SPATA6: variants seen among roughly 807,000 people sequenced by gnomAD.
The protein encoded by SPATA6 is spermatogenesis-associated protein 6.
Under a neutral mutation model 65.3 loss-of-function variants are expected in SPATA6, and 56 were observed. That is an observed-to-expected ratio of 0.86 (90% CI 0.69 to 1.07). SPATA6 has a LOEUF of 1.07. Ranked by LOEUF, SPATA6 falls within the 50% of genes least tolerant of loss-of-function variation. The pLI, the probability that SPATA6 is intolerant of heterozygous loss-of-function variation, is 0.00. For missense variants in SPATA6, 590 were observed against 594.8 expected, an observed-to-expected ratio of 0.99 and a Z score of 0.08; for synonymous variants, 199 against 213.2, an observed-to-expected ratio of 0.93 and a Z score of 0.58.
chr1:48,343,360 C>T (rs1646272119), intron 11 of SPATA6, among the ~76,000 whole-genome samples: 1 of 152,062 alleles, frequency 6.6e-6, no homozygotes, highest in South Asian at 2.1e-4. Flanking sequence ...ACTAACTGGT[C>T]ACCTTTGGAG....
chr1:48,420,558 TGAA>T (rs1172112465), intron 3 of SPATA6, among the ~76,000 whole-genome samples: 4 of 152,166 alleles, frequency 2.6e-5, no homozygotes, highest in Admixed American at 6.5e-5. Context: ...TGGTATCTGC[TGAA>T]GAAGTTTATT....
At chr1:48,379,066 AC>A (rs1314571209) in intron 9 of SPATA6, among the ~76,000 whole-genome samples, 2 of 152,198 alleles carry the variant, frequency 1.3e-5, no homozygotes, top group African/African-American at 4.8e-5. Context: ...ATAAAGACAT[AC>A]CCAAGACTGG....
chr1:48,286,533 TTATTC>T, the SPATA6 span, among the ~76,000 whole-genome samples: 1 of 152,164 alleles, frequency 6.6e-6, no homozygotes, highest in Non-Finnish European at 1.5e-5. Flanking sequence ...TTTATTGAAT[TTATTC>T]TATCAGCTTT....
chr1:48,272,626 T>C, the SPATA6 span, among the ~76,000 whole-genome samples: 2 of 152,186 alleles, frequency 1.3e-5, no homozygotes, highest in Non-Finnish European at 2.9e-5. Context: ...TTGGCTATTG[T>C]AATACTGTAA....
the SPATA6 span, among the ~76,000 whole-genome samples, chr1:48,285,686 T>C: frequency 3.7e-4 from 57 of 152,234 alleles, no homozygotes; most frequent in African/African-American, 1.0e-3. Context: ...CCCTTGACTA[T>C]GGCAGGGAGT....
chr1:48,362,976 A>C (rs1259213545), intron 9 of SPATA6, among the ~76,000 whole-genome samples: 1 of 152,124 alleles, frequency 6.6e-6, no homozygotes, highest in Non-Finnish European at 1.5e-5. Flanking sequence ...AGGAAACAAC[A>C]ATCACGGGTG....
At chr1:48,327,415 A>G (rs868173742) in intron 11 of SPATA6, among the ~76,000 whole-genome samples, 22 of 152,356 alleles carry the variant, frequency 1.4e-4, no homozygotes, top group Admixed American at 9.8e-4. Context: ...AAATAATTCA[A>G]CTTCTATGGA....
intron 12 of SPATA6, among the ~76,000 whole-genome samples, chr1:48,304,240 T>A (rs985459599): frequency 6.6e-6 from 1 of 152,180 alleles, no homozygotes; most frequent in Admixed American, 6.5e-5. Flanking sequence ...TCCAATTGAT[T>A]CAAGTATATA....
At chr1:48,418,722 A>T (rs1397308367) in intron 3 of SPATA6, among the ~76,000 whole-genome samples, 1 of 150,242 alleles carries the variant, frequency 6.7e-6, no homozygotes, top group Admixed American at 6.7e-5. Flanking sequence ...ACCCAGAAAA[A>T]AGCAAGAAAG....
chr1:48,375,705 CAT>C (rs1438459750), intron 9 of SPATA6, among the ~76,000 whole-genome samples: 1 of 152,112 alleles, frequency 6.6e-6, no homozygotes, highest in East Asian at 1.9e-4. Context: ...CCGCCAGACT[CAT>C]GGATTTATTT....
intron 11 of SPATA6, among the ~76,000 whole-genome samples, chr1:48,318,457 C>T (rs1645504119): frequency 6.6e-6 from 1 of 152,046 alleles, no homozygotes. Flanking sequence ...TATGAAAATG[C>T]ATTGTATTCC....
chr1:48,422,302 G>A (rs938143724), intron 3 of SPATA6, among the ~76,000 whole-genome samples: 4 of 152,186 alleles, frequency 2.6e-5, no homozygotes, highest in Admixed American at 2.0e-4. Flanking sequence ...CAAGATCTGG[G>A]AGAAGGCAAA....
rs1008525230 is a variant in SPATA6 at position 48,370,890 on chromosome 1, T to C, written c.910-11120A>G. On this transcript the variant is annotated intron_variant, in intron 9 of 12. Transcript: ENST00000371847. ...CACAAAGGATGGGCTCACGATATGA[T>C]TTACCAATAATCCAATATACACAGC... is the stretch of plus-strand genomic sequence containing the variant. Among the ~76,000 whole-genome samples the C allele has an allele frequency of 8.5e-5, 13 of 152,198 alleles. No homozygotes were observed. The South Asian group carries it at 2.7e-3, about 32-fold the overall frequency.
intron 8 of SPATA6, among the ~76,000 whole-genome samples, chr1:48,386,926 C>T (rs1260907723): frequency 6.6e-6 from 1 of 152,226 alleles, no homozygotes; most frequent in Non-Finnish European, 1.5e-5. Context: ...AACAAGCTGT[C>T]ACAAGCTACT....
chr1:48,353,644 A>G (rs1646576166), intron 11 of SPATA6, among the ~76,000 whole-genome samples: 1 of 151,968 alleles, frequency 6.6e-6, no homozygotes, highest in Admixed American at 6.6e-5. Context: ...AATCCATCCA[A>G]TGACATCGCT....
chr1:48,292,464 C>A (rs778984352), downstream of SPATA6, among the ~76,000 whole-genome samples: 8 of 152,188 alleles, frequency 5.3e-5, no homozygotes, highest in Non-Finnish European at 1.0e-4. Context: ...AGTGCACCTG[C>A]ATAGATAATG....
intron 9 of SPATA6, among the ~76,000 whole-genome samples, chr1:48,363,340 G>A (rs1162847565): frequency 6.6e-6 from 1 of 152,036 alleles, no homozygotes; most frequent in African/African-American, 2.4e-5. Context: ...TCACAGAAGG[G>A]TTATATTTCT....
chr1:48,416,871 A>C (rs954322892), intron 3 of SPATA6, among the ~76,000 whole-genome samples: 2 of 152,212 alleles, frequency 1.3e-5, no homozygotes, highest in African/African-American at 4.8e-5. Context: ...AAGAGAAAAA[A>C]AGGTGTTTCA....
rs1647036538 is a variant in SPATA6, at chr1:48,366,900, T to C, written c.910-7130A>G. Among the ~76,000 whole-genome samples the C allele has an allele frequency of 2.6e-5, 4 of 152,228 alleles. No homozygotes were observed. The South Asian group carries it at 8.3e-4, about 32-fold the overall frequency. The stretch of plus-strand genomic sequence containing the variant: ...TAATTGTGATGTTAGGGTGTCAATT[T>C]TGCATCTTTCCTGCTTTGTCTTGTG... On this transcript the variant is annotated intron_variant, in intron 9 of 12. Coordinates refer to ENST00000371847, the MANE Select transcript of SPATA6 (RefSeq NM_019073.4).
Sources: allele counts gnomAD v4.1 joint callset (sites outside exome capture counted in the v4.1 genomes callset), GRCh38; gene constraint gnomAD v4.1.1; transcripts MANE v1.5; gene names NCBI Gene and HGNC (gene_info 2026-07-23, HGNC 2026-07-21).